NTM: variants seen among roughly 807,000 people sequenced by gnomAD.
NTM encodes the protein IgLON family member 2.
In NTM, 13 loss-of-function variants were observed where a neutral mutation model predicts 42.1. The observed-to-expected ratio is 0.31, with a 90% confidence interval of 0.20 to 0.49. The LOEUF (loss-of-function observed/expected upper bound fraction) is 0.49. NTM is among the 20% of genes least tolerant of loss of function. The pLI is 0.99. For synonymous variants in NTM, 187 were observed against 179.2 expected, an observed-to-expected ratio of 1.04 and a Z score of -0.35; for missense variants, 373 against 452.8, an observed-to-expected ratio of 0.82 and a Z score of 1.60.
chr11:131,510,259 C>T (rs115436130), intron 1 of NTM, among the ~76,000 whole-genome samples: 139 of 152,336 alleles, frequency 9.1e-4, no homozygotes, highest in African/African-American at 3.2e-3. Context: ...GCAGCTCATC[C>T]GCAGCGGGCT....
chr11:132,281,292 T>A (rs2093962394), intron 4 of NTM, among the ~76,000 whole-genome samples: 1 of 151,846 alleles, frequency 6.6e-6, no homozygotes, highest in African/African-American at 2.4e-5. Flanking sequence ...GTTTCAGGAG[T>A]TTTCTCACAG....
At chr11:132,323,855 G>T (rs1383394197) in intron 7 of NTM, among the ~76,000 whole-genome samples, 3 of 150,726 alleles carry the variant, frequency 2.0e-5, no homozygotes, top group African/African-American at 4.9e-5. Flanking sequence ...TCCCTGGGAT[G>T]CAAGGCTGGT....
intron 2 of NTM, among the ~76,000 whole-genome samples, chr11:131,956,179 CGTG>C (rs906094128): frequency 2.6e-5 from 4 of 152,190 alleles, no homozygotes; most frequent in Non-Finnish European, 5.9e-5. Flanking sequence ...GGCGCAGAGA[CGTG>C]GGGAATGCCA....
At chr11:132,151,161 C>T (rs1271311914) in intron 3 of NTM, among the ~76,000 whole-genome samples, 2 of 152,126 alleles carry the variant, frequency 1.3e-5, no homozygotes, top group African/African-American at 4.8e-5. Flanking sequence ...GCTACCAAAC[C>T]GAGCATATTG....
intron 2 of NTM, among the ~76,000 whole-genome samples, chr11:131,921,129 TCCC>T (rs2057159535): frequency 6.6e-6 from 1 of 152,214 alleles, no homozygotes; most frequent in Admixed American, 6.5e-5. Flanking sequence ...TTGAATTTTG[TCCC>T]ATCTCCCCAC....
chr11:131,509,220 A>G (rs954747814), intron 1 of NTM, among the ~76,000 whole-genome samples: 3 of 151,848 alleles, frequency 2.0e-5, no homozygotes, highest in African/African-American at 7.3e-5. Context: ...TTCCCTAATG[A>G]CTGTTCTGAA....
intron 1 of NTM, among the ~76,000 whole-genome samples, chr11:131,530,462 C>T (rs1464982783): frequency 2.0e-5 from 3 of 146,488 alleles, no homozygotes; most frequent in Non-Finnish European, 4.5e-5. Flanking sequence ...AGTTCTTTTA[C>T]TGGGGGACTT....
chr11:132,063,164 G>A (rs1036022078), intron 2 of NTM, among the ~76,000 whole-genome samples: 1 of 152,088 alleles, frequency 6.6e-6, no homozygotes, highest in Non-Finnish European at 1.5e-5. Context: ...AAGGGGCAAG[G>A]GGACTCTCCT....
intron 3 of NTM, among the ~76,000 whole-genome samples, chr11:132,183,896 T>C (rs1239274812): frequency 3.3e-5 from 5 of 151,916 alleles, no homozygotes; most frequent in South Asian, 4.2e-4. Context: ...TTTGTCTTAA[T>C]GGTGATTGCA....
At chr11:131,574,928 T>C (rs1672154714) in intron 1 of NTM, among the ~76,000 whole-genome samples, 3 of 152,064 alleles carry the variant, frequency 2.0e-5, no homozygotes, top group Admixed American at 2.0e-4. Flanking sequence ...TCCTCCTGAT[T>C]TGCTTCTCTC....
At chr11:131,469,675 T>G (rs79853723) in intron 1 of NTM, among the ~76,000 whole-genome samples, 3,374 of 152,312 alleles carry the variant, frequency 0.022, 136 homozygotes, top group African/African-American at 0.076. Context: ...GCTAAACCCA[T>G]GTACTACCAC....
intron 1 of NTM, among the ~76,000 whole-genome samples, chr11:131,578,009 C>T (rs757440570): frequency 1.1e-4 from 17 of 152,140 alleles, no homozygotes; most frequent in Non-Finnish European, 2.2e-4. Flanking sequence ...CTAACAGGTA[C>T]TGAACAACTA....
intron 4 of NTM, among the ~76,000 whole-genome samples, chr11:132,263,480 T>C (rs1421094653): frequency 6.6e-6 from 1 of 152,238 alleles, no homozygotes; most frequent in Non-Finnish European, 1.5e-5. Context: ...CCACGCTGAC[T>C]TCCTTATCAA....
intron 1 of NTM, among the ~76,000 whole-genome samples, chr11:131,836,018 A>G (rs1429170650): frequency 6.6e-6 from 1 of 152,192 alleles, no homozygotes; most frequent in Non-Finnish European, 1.5e-5. Flanking sequence ...TGATATAGTC[A>G]TGAAAGTCAG....
At chr11:131,461,303 T>A (rs1422800203) in intron 1 of NTM, among the ~76,000 whole-genome samples, 1 of 152,204 alleles carries the variant, frequency 6.6e-6, no homozygotes, top group Non-Finnish European at 1.5e-5. Context: ...TTGGGTGCCA[T>A]AGAGATACAG....
At chr11:131,714,018 G>A (rs1486866627) in intron 1 of NTM, among the ~76,000 whole-genome samples, 1 of 152,086 alleles carries the variant, frequency 6.6e-6, no homozygotes, top group Non-Finnish European at 1.5e-5. Flanking sequence ...CTGAAGTTTT[G>A]CACATGCTCA....
intron 1 of NTM, among the ~76,000 whole-genome samples, chr11:131,542,557 G>A (rs1254850707): frequency 6.6e-6 from 1 of 152,120 alleles, no homozygotes; most frequent in African/African-American, 2.4e-5. Context: ...GCTGCCTTTG[G>A]TGACACAGAA....
chr11:131,715,581 G>C (rs566276186), intron 1 of NTM, among the ~76,000 whole-genome samples: 10 of 152,134 alleles, frequency 6.6e-5, no homozygotes, highest in Non-Finnish European at 1.5e-4. Flanking sequence ...CATAGTGAAC[G>C]TATCCATCAA....
chr11:132,302,583 AG>A (rs1336780692), intron 4 of NTM, among the ~76,000 whole-genome samples: 1 of 152,174 alleles, frequency 6.6e-6, no homozygotes, highest in Non-Finnish European at 1.5e-5. Flanking sequence ...GCCAGAAGTT[AG>A]TCAATAAGAA....
Sources: allele counts gnomAD v4.1 joint callset (sites outside exome capture counted in the v4.1 genomes callset), GRCh38; gene constraint gnomAD v4.1.1; transcripts MANE v1.5; gene names NCBI Gene and HGNC (gene_info 2026-07-23, HGNC 2026-07-21).